Variants in SCARB2 observed in about 807,000 individuals in gnomAD.
SCARB2 encodes lysosome membrane protein 2.
A neutral mutation model predicts 58.6 loss-of-function variants in SCARB2; 29 were observed. The ratio of observed to expected loss-of-function variants is 0.49; its 90% CI spans 0.37 to 0.67. The LOEUF is 0.67. Ranked by LOEUF, SCARB2 falls within the 30% of genes least tolerant of loss-of-function variation. SCARB2 has a pLI of 0.00. For missense variants in SCARB2, 488 were observed against 578.5 expected (o/e 0.84, Z 1.60); for synonymous variants, 195 against 210.1 (o/e 0.93, Z 0.62).
Position 76,175,869 on chromosome 4 carries a change from T to C in SCARB2, c.746A>G (p.Asn249Ser), listed in dbSNP as rs199837910. The C allele has an allele frequency of 6.6e-5, 107 of 1,613,874 alleles. No individual in the cohort carries two copies. Among genetic ancestry groups the C allele is most frequent in the Non-Finnish European group, 8.3e-5 (98 of 1,179,956 alleles). The change falls in exon 6 of 12, where the codon AAT becomes AGT. Residue 249 changes from asparagine (N) to serine (S), a missense_variant. Coordinates refer to ENST00000264896, the MANE Select transcript of SCARB2 (RefSeq NM_005506.4). The stretch of plus-strand genomic sequence containing the variant: ...GTGAAAAGAATCTCCATCTGTTCCA[T>C]TAATCATATTGCACTTGTCTGTTAT... ...WWITDKCNMI[N>S]GTDGDSFHPL...
At chr4:76,180,409 T>C (rs1236484143) in intron 3 of SCARB2, 1 of 151,966 alleles carries the variant, frequency 6.6e-6, no homozygotes, top group African/African-American at 2.4e-5. Context: ...AAAGAAAGTC[T>C]CATGGGTCTC....
intron 2 of SCARB2, among the ~76,000 whole-genome samples, chr4:76,186,068 G>A (rs1732479452): frequency 6.6e-6 from 1 of 152,166 alleles, no homozygotes; most frequent in South Asian, 2.1e-4. Context: ...TTAAGTCCTG[G>A]TTCTGGTCCT....
chr4:76,179,238 G>C, intron 4 of SCARB2: 1 of 411,916 alleles, frequency 2.4e-6, no homozygotes, highest in Non-Finnish European at 4.6e-6. Flanking sequence ...ATTTTTAGTA[G>C]AGATAGAGTT....
chr4:76,175,705 G>A, intron 6 of SCARB2, 86 bp downstream of exon 6: 1 of 1,461,386 alleles, frequency 6.8e-7, no homozygotes, highest in Non-Finnish European at 9.5e-7. Flanking sequence ...CATAATAAGT[G>A]TGTCTGCATA....
In SCARB2 at chr4:76,169,951, G is replaced by A. The variant is rs1455232457; in HGVS notation, c.1029C>T (p.Tyr343=). 1 of 1,613,962 alleles carries A rather than the reference G, an allele frequency of 6.2e-7. No individual in the cohort carries two copies. The highest frequency in any genetic ancestry group is 8.5e-7 in the Non-Finnish European group (1 of 1,179,946). The change falls in exon 8 of 12, where the codon TAC becomes TAT. Residue 343 remains tyrosine (Y), a synonymous_variant. Coordinates refer to ENST00000264896, the MANE Select transcript of SCARB2 (RefSeq NM_005506.4). ...APIIMSFPHF[Y]QADERFVSAI... The stretch of plus-strand genomic sequence containing the variant: ...CAGAAACAAACCTCTCATCTGCTTG[G>A]TAAAAGTGTGGGAAAGACATAATGA...
rs913151153 is a variant in SCARB2 at position 76,213,395 on chromosome 4, C to T, written c.117+32G>A. 9 of 1,490,452 alleles carry T rather than the reference C, an allele frequency of 6.0e-6. No homozygotes were observed. In the Middle Eastern group the frequency reaches 1.0e-3, roughly 170 times the overall value. The allele number at this position is 1,490,452 out of a possible 1,614,324, so 92.3% of individuals were successfully genotyped here. A position where few individuals can be genotyped will look rare whatever the true frequency, so the allele number is the denominator to read the frequency against. ...GGATGGGAGGGTGAGCTGGACGACT[C>T]CACAACACACACACAGCCCGCCCCG... is the stretch of plus-strand genomic sequence containing the variant. On this transcript the variant is annotated intron_variant, in intron 1 of 11. Coordinates refer to ENST00000264896, the MANE Select transcript of SCARB2 (RefSeq NM_005506.4).
chr4:76,162,911 G>GTAACTGTTATA, intron 11 of SCARB2: 1 of 550,360 alleles, frequency 1.8e-6, no homozygotes, highest in Non-Finnish European at 3.2e-6. Flanking sequence ...GATCAGATGT[G>GTAACTGTTATA]TAACTGTTAT....
rs1178074591 is a variant in SCARB2 at position 76,160,179 on chromosome 4, C to T, written c.*1534G>A. 1.3e-5 allele frequency: 2 copies of T among 152,034 alleles called. No homozygotes were observed. The highest frequency in any genetic ancestry group is 6.5e-5 in the Admixed American group (1 of 15,268). 9.4% of individuals were successfully genotyped at this position (152,034 alleles called of 1,614,324 possible). A position where few individuals can be genotyped will look rare whatever the true frequency, so the allele number is the denominator to read the frequency against. ...AATTGTCAGTAAAACAATTTATTAC[C>T]TCAATACAGGGATAAGAAGCTATGG... On this transcript the variant is annotated 3_prime_UTR_variant, in exon 12 of 12. Coordinates refer to ENST00000264896, the MANE Select transcript of SCARB2 (RefSeq NM_005506.4).
intron 1 of SCARB2, among the ~76,000 whole-genome samples, chr4:76,210,957 G>A (rs1368012326): frequency 1.3e-5 from 2 of 151,958 alleles, no homozygotes. Context: ...ACAAAGAACT[G>A]GAAATATCAG....
intron 1 of SCARB2, among the ~76,000 whole-genome samples, chr4:76,220,168 C>G (rs1429622505): frequency 6.6e-6 from 1 of 152,122 alleles, no homozygotes; most frequent in Non-Finnish European, 1.5e-5. Context: ...TATATAACCC[C>G]CAAAATTGAA....
intron 1 of SCARB2, among the ~76,000 whole-genome samples, chr4:76,200,143 C>T (rs891273771): frequency 6.6e-6 from 1 of 152,234 alleles, no homozygotes; most frequent in African/African-American, 2.4e-5. Flanking sequence ...GAACAGAAAG[C>T]CATGGCTTGG....
chr4:76,174,510 T>C, intron 6 of SCARB2, 197 bp from the exon 7 acceptor site: 2 of 594,316 alleles, frequency 3.4e-6, no homozygotes, highest in Non-Finnish European at 3.0e-6. Context: ...AGGTGTTTAT[T>C]GTAGCAACGG....
intron 4 of SCARB2, chr4:76,176,919 G>A (rs1400499577): frequency 6.0e-6 from 1 of 167,968 alleles, no homozygotes; most frequent in East Asian, 1.8e-4. Context: ...AGACTTACCA[G>A]CTCCCATAAT....
In SCARB2 at chr4:76,213,553, C is replaced by T. The variant is rs537562228; in HGVS notation, c.-10G>A. On this transcript the variant is annotated 5_prime_UTR_variant, in exon 1 of 12. Coordinates refer to ENST00000264896, the MANE Select transcript of SCARB2 (RefSeq NM_005506.4). Reference sequence around the variant, plus strand: ...AGCAGCATCGGCCCATTCTGTGCGCCGCTCACGGGCCGGGCCGGGCCGCAC... The same window carrying T: ...AGCAGCATCGGCCCATTCTGTGCGCTGCTCACGGGCCGGGCCGGGCCGCAC... 6 of 1,599,622 alleles carry T rather than the reference C, an allele frequency of 3.8e-6. No homozygotes were observed. In the East Asian group the frequency reaches 1.4e-4, roughly 36 times the overall value.
At chr4:76,165,021 C>G (rs929989255) in intron 10 of SCARB2, 2 of 152,126 alleles carry the variant, frequency 1.3e-5, no homozygotes, top group African/African-American at 4.8e-5. Context: ...CAAGGTTCCA[C>G]TCCACACACC....
chr4:76,227,356 C>A (rs1583942), intron 1 of SCARB2, among the ~76,000 whole-genome samples: 1,962 of 152,054 alleles, frequency 0.013, 39 homozygotes, highest in African/African-American at 0.043. Context: ...TTTGAGGGTT[C>A]CTTTTGGAGT....
At chr4:76,174,364 C>T in intron 6 of SCARB2, 51 bp from the exon 7 acceptor site, 1 of 1,581,620 alleles carries the variant, frequency 6.3e-7, no homozygotes. Flanking sequence ...TCAGTGTAAT[C>T]TGCCCGAAAT....
At chr4:76,181,166 T>C in intron 2 of SCARB2, 65 bp from the exon 3 acceptor site, 5 of 1,471,122 alleles carry the variant, frequency 3.4e-6, no homozygotes, top group Non-Finnish European at 3.8e-6. Flanking sequence ...ACTTTTCCTT[T>C]CTTTCAGCAT....
intron 1 of SCARB2, 46 bp downstream of exon 1, chr4:76,213,381 T>G (rs1397398768): frequency 3.1e-6 from 4 of 1,297,316 alleles, no homozygotes; most frequent in Non-Finnish European, 4.4e-6. Context: ...GATGGGAGGG[T>G]GAGCTGGACG....
Sources: gnomAD v4.1 joint callset for allele counts (sites outside exome capture counted in the v4.1 genomes callset) on GRCh38, gnomAD v4.1.1 for gene constraint, MANE v1.5 for transcripts, NCBI Gene and HGNC (gene_info 2026-07-23, HGNC 2026-07-21) for gene names.